The following LAMA1 variants were observed in gnomAD, a reference collection of about 807,000 sequenced individuals.
The protein encoded by LAMA1 is laminin subunit alpha 1.
A neutral mutation model predicts 348.7 loss-of-function variants in LAMA1; 219 were observed. The observed-to-expected ratio is 0.63, with a 90% CI of 0.56 to 0.70. The LOEUF is 0.70. Among genes scored for constraint, LAMA1 ranks in the 30% least tolerant of loss-of-function variants. The probability of loss-of-function intolerance (pLI) is 0.00; values close to 1 mark genes in which losing one functional copy is unlikely to be tolerated. For synonymous variants in LAMA1, 1,487 were observed against 1,491.0 expected, an observed-to-expected ratio of 1.00 and a Z score of 0.06; for missense variants, 3,744 against 3,888.0, an observed-to-expected ratio of 0.96 and a Z score of 0.99.
At chr18:7,021,811 T>C (rs2057917092) in intron 19 of LAMA1, among the ~76,000 whole-genome samples, 1 of 110,678 alleles carries the variant, frequency 9.0e-6, no homozygotes, top group African/African-American at 5.4e-5. Flanking sequence ...TATTATATTA[T>C]ATAATATATA....
intron 3 of LAMA1, among the ~76,000 whole-genome samples, chr18:7,070,468 G>A (rs1383909202): frequency 6.6e-6 from 1 of 152,132 alleles, no homozygotes; most frequent in African/African-American, 2.4e-5. Flanking sequence ...TGTTGACCTT[G>A]TCGATGTGCT....
At chr18:7,098,751 C>T (rs1001270858) in intron 1 of LAMA1, among the ~76,000 whole-genome samples, 2 of 139,788 alleles carry the variant, frequency 1.4e-5, no homozygotes, top group East Asian at 2.1e-4. Flanking sequence ...CCAGCCACCC[C>T]GTCCAGGAGG....
Position 7,080,008 on chromosome 18 carries a change from ATATTC to A in LAMA1, c.307_311del (p.Glu103SerfsTer21), listed in dbSNP as rs2058186435. ...AGTCCAGAGTGATTGTGACCCAGTG[ATATTC>A]TCTCCCATTCTGAATGCTGGGACTT... On this transcript the variant is annotated frameshift_variant, in exon 3 of 63. Transcript: ENST00000389658. LOFTEE classifies it high-confidence loss of function. The A allele has an allele frequency of 6.2e-7, 1 of 1,613,998 alleles. No individual in the cohort carries two copies. Among genetic ancestry groups the A allele is most frequent in the Admixed American group, 1.7e-5 (1 of 59,994 alleles).
chr18:7,114,214 G>GT (rs1200352477), intron 1 of LAMA1, among the ~76,000 whole-genome samples: 1 of 152,076 alleles, frequency 6.6e-6, no homozygotes, highest in Non-Finnish European at 1.5e-5. Context: ...TACAATAGGT[G>GT]TAACAGTAAT....
chr18:7,075,315 T>TA (rs1345846196), intron 3 of LAMA1, among the ~76,000 whole-genome samples: 1 of 152,008 alleles, frequency 6.6e-6, no homozygotes, highest in Non-Finnish European at 1.5e-5. Flanking sequence ...GGGGGGAAGT[T>TA]AAAAAAAATT....
chr18:6,975,118 T>G, intron 45 of LAMA1, 82 bp from the exon 46 acceptor site: 3 of 1,457,624 alleles, frequency 2.1e-6, no homozygotes, highest in Non-Finnish European at 2.8e-6. Flanking sequence ...GAGTCAATTC[T>G]TACGGGGTTT....
chr18:7,027,548 CAA>C (rs35909377), intron 16 of LAMA1, among the ~76,000 whole-genome samples: 2 of 140,984 alleles, frequency 1.4e-5, no homozygotes, highest in African/African-American at 2.8e-5. Context: ...ACAACAACAA[CAA>C]AAAAAAGCGA....
intron 15 of LAMA1, among the ~76,000 whole-genome samples, 153 bp from the exon 16 acceptor site, chr18:7,032,329 A>G (rs551293055): frequency 1.3e-5 from 2 of 152,318 alleles, no homozygotes; most frequent in South Asian, 2.1e-4. Flanking sequence ...GTACAATTCA[A>G]TGACTTTTAG....
At position 6,971,879 on chromosome 18, in the gene LAMA1, T is replaced by G; in HGVS notation, c.6877A>C (p.Lys2293Gln). The change falls in exon 48 of 63, where the codon AAG (lysine) becomes CAG (glutamine). Residue 2293 changes from lysine (K) to glutamine (Q), a missense_variant. By Grantham distance (53) the Lys-to-Gln change is moderately conservative. Transcript: ENST00000389658. ...GLWNYIEREG[K>Q]CRGCFGSSQN... ...TACCTTCCGAAGCACCCACGGCACTTGCCTTCCCTTTCAATATAGTTCCAT... is the reference window on the plus strand; with the variant it reads ...TACCTTCCGAAGCACCCACGGCACTGGCCTTCCCTTTCAATATAGTTCCAT... The G allele has an allele frequency of 6.2e-7, 1 of 1,614,186 alleles. No homozygotes were observed. Among genetic ancestry groups the G allele is most frequent in the Non-Finnish European group, 8.5e-7 (1 of 1,180,040 alleles).
chr18:7,052,260 T>C (rs1005745478), intron 3 of LAMA1, among the ~76,000 whole-genome samples: 1 of 150,864 alleles, frequency 6.6e-6, no homozygotes, highest in African/African-American at 2.4e-5. Flanking sequence ...TAAAATCCCA[T>C]CTCTACTAAA....
chr18:6,986,356 T>C lies in LAMA1; in HGVS notation c.5169-9A>G. ...ATAAATCTTCAGCAGCCCTGATAAA[T>C]ATGAATGGTTCACATAGTAAGTAAA... On this transcript the variant is annotated splice_polypyrimidine_tract_variant and intron_variant, in intron 36 of 62. Coordinates refer to ENST00000389658, the MANE Select transcript of LAMA1 (RefSeq NM_005559.4). 6.2e-7 allele frequency: 1 copy of C among 1,612,676 alleles called. No homozygotes were observed. Among genetic ancestry groups the C allele is most frequent in the Non-Finnish European group, 8.5e-7 (1 of 1,178,862 alleles).
chr18:6,991,942 TA>T (rs1468348662), intron 36 of LAMA1, among the ~76,000 whole-genome samples: 5 of 152,364 alleles, frequency 3.3e-5, no homozygotes, highest in African/African-American at 1.2e-4. Flanking sequence ...AAGTATCATG[TA>T]ACTATTTATA....
intron 61 of LAMA1, among the ~76,000 whole-genome samples, chr18:6,945,198 G>A (rs2057516368): frequency 2.0e-5 from 3 of 152,170 alleles, no homozygotes; most frequent in South Asian, 4.2e-4. Flanking sequence ...TCTGGCCCTG[G>A]TAACATTTTT....
chr18:7,047,040 G>A (rs2058044380), intron 5 of LAMA1, among the ~76,000 whole-genome samples: 2 of 145,796 alleles, frequency 1.4e-5, no homozygotes, highest in Admixed American at 1.4e-4. Flanking sequence ...TGTGTGCCTT[G>A]ATTTCTTTTT....
intron 3 of LAMA1, among the ~76,000 whole-genome samples, chr18:7,072,482 T>C (rs566998712): frequency 1.3e-5 from 2 of 152,298 alleles, no homozygotes; most frequent in East Asian, 1.9e-4. Context: ...CCTCCATCCC[T>C]GTCCTGAAGG....
At chr18:7,106,982 C>G (rs1052241448) in intron 1 of LAMA1, among the ~76,000 whole-genome samples, 5 of 152,096 alleles carry the variant, frequency 3.3e-5, no homozygotes, top group Admixed American at 2.6e-4. Context: ...CCTCCTCCCC[C>G]GCTTTCCTCG....
chr18:7,098,949 C>G (rs559618218), intron 1 of LAMA1, among the ~76,000 whole-genome samples: 1 of 151,778 alleles, frequency 6.6e-6, no homozygotes, highest in African/African-American at 2.4e-5. Flanking sequence ...GCCCGGCCAC[C>G]ACCCCGTCTG....
chr18:6,973,047 G>T lies in LAMA1; in HGVS notation c.6774+10C>A. ...ATCAGTCCTGTTCAGAAGAACTTTC[G>T]TAATGTTACCTTGATTTGTCCTCCA... On this transcript the variant is annotated intron_variant, in intron 47 of 62. Transcript: ENST00000389658. 1 of 1,613,924 alleles carries T rather than the reference G, an allele frequency of 6.2e-7. No homozygotes were observed. The highest frequency in any genetic ancestry group is 2.2e-5 in the East Asian group (1 of 44,874).
intron 46 of LAMA1, 54 bp from the exon 47 acceptor site, chr18:6,973,261 C>T: frequency 6.5e-7 from 1 of 1,545,712 alleles, no homozygotes; most frequent in South Asian, 1.1e-5. Flanking sequence ...AGTCAGCGCA[C>T]ATACAATCCC....
Sources: allele counts gnomAD v4.1 joint callset (sites outside exome capture counted in the v4.1 genomes callset), GRCh38; gene constraint gnomAD v4.1.1; transcripts MANE v1.5; gene names NCBI Gene and HGNC (gene_info 2026-07-23, HGNC 2026-07-21).